The following GOLM2 variants were observed in gnomAD, a reference collection of about 807,000 sequenced individuals.
GOLM2 encodes golgi membrane protein 2, also known as protein GOLM2.
In GOLM2, 26 loss-of-function variants were observed where a neutral mutation model predicts 55.9. That is an observed-to-expected ratio of 0.47 (90% confidence interval 0.34 to 0.65). The LOEUF (loss-of-function observed/expected upper bound fraction) is 0.65, where lower values mean the gene tolerates loss of function less well. Among genes scored for constraint, GOLM2 ranks in the 30% least tolerant of loss-of-function variants. GOLM2 has a pLI of 0.01. For missense variants in GOLM2, 486 were observed against 531.8 expected (o/e 0.91, Z 0.85); for synonymous variants, 165 against 194.6 (o/e 0.85, Z 1.27).
chr15:44,354,125 G>A (rs2079182057), intron 6 of GOLM2, among the ~76,000 whole-genome samples: 1 of 152,036 alleles, frequency 6.6e-6, no homozygotes, highest in Non-Finnish European at 1.5e-5. Context: ...TAGGTAATTA[G>A]TATTAATCCA....
intron 6 of GOLM2, among the ~76,000 whole-genome samples, chr15:44,350,211 G>A (rs2079152427): frequency 6.6e-6 from 1 of 151,934 alleles, no homozygotes; most frequent in African/African-American, 2.4e-5. Flanking sequence ...TTGGTGTTTT[G>A]AAAACATAAA....
intron 6 of GOLM2, among the ~76,000 whole-genome samples, chr15:44,358,851 C>T (rs2079215242): frequency 6.6e-6 from 1 of 152,126 alleles, no homozygotes; most frequent in African/African-American, 2.4e-5. Flanking sequence ...ATGAGCTGGA[C>T]TTCATTAAGA....
chr15:44,292,959 T>C (rs1446103949), intron 1 of GOLM2, among the ~76,000 whole-genome samples: 1 of 152,056 alleles, frequency 6.6e-6, no homozygotes, highest in African/African-American at 2.4e-5. Flanking sequence ...GGACTATAGG[T>C]GCATGCCACC....
intron 8 of GOLM2, among the ~76,000 whole-genome samples, chr15:44,394,989 A>C (rs1422859201): frequency 2.0e-5 from 3 of 152,078 alleles, no homozygotes; most frequent in Non-Finnish European, 4.4e-5. Flanking sequence ...GTAATATATT[A>C]CATTAATGAC....
intron 2 of GOLM2, among the ~76,000 whole-genome samples, chr15:44,326,556 T>C (rs2078982107): frequency 6.6e-6 from 1 of 151,806 alleles, no homozygotes; most frequent in Non-Finnish European, 1.5e-5. Flanking sequence ...CACTTTGATA[T>C]ATTTTTATTC....
At chr15:44,410,833 G>T (rs1256842886) in intron 9 of GOLM2, among the ~76,000 whole-genome samples, 1 of 146,748 alleles carries the variant, frequency 6.8e-6, no homozygotes, top group Non-Finnish European at 1.5e-5. Flanking sequence ...GCCCTGGGAA[G>T]TTGAGGCTGC....
chr15:44,319,556 G>A (rs2078935044), intron 1 of GOLM2, among the ~76,000 whole-genome samples: 3 of 151,880 alleles, frequency 2.0e-5, no homozygotes, highest in Non-Finnish European at 4.4e-5. Flanking sequence ...AGTAATGTGT[G>A]AGTGGGGTTT....
At chr15:44,302,573 C>T (rs1567020385) in intron 1 of GOLM2, among the ~76,000 whole-genome samples, 1 of 151,984 alleles carries the variant, frequency 6.6e-6, no homozygotes, top group Non-Finnish European at 1.5e-5. Context: ...TCACTGCAAC[C>T]TCCACCTCCT....
At position 44,337,785 on chromosome 15, in the gene GOLM2, C is replaced by A; in HGVS notation, c.599C>A (p.Ser200Ter). The change falls in exon 5 of 10, where the codon TCA becomes TAA. Residue 200 changes from serine to a stop codon, truncating the protein, a stop_gained. Coordinates refer to ENST00000299957, the MANE Select transcript of GOLM2 (RefSeq NM_138423.4). LOFTEE classifies it high-confidence loss of function. ...EQKQETQKIQ[S>*]NDGKELDINN... is the part of the protein sequence containing the mutation. ...CAGCAAGAGACCCAAAAGATTCAAT[C>A]AAATGATGGAAAGGAATTGGATATA... The A allele has an allele frequency of 6.3e-7, 1 of 1,580,666 alleles. No individual in the cohort carries two copies. The highest frequency in any genetic ancestry group is 1.2e-5 in the South Asian group (1 of 84,166).
intron 8 of GOLM2, among the ~76,000 whole-genome samples, chr15:44,381,442 C>T (rs1014448026): frequency 6.6e-5 from 10 of 152,076 alleles, no homozygotes; most frequent in Admixed American, 3.9e-4. Context: ...TTGCATTTTC[C>T]TCATTTAGAT....
chr15:44,363,157 C>A (rs1471234633), intron 6 of GOLM2, among the ~76,000 whole-genome samples: 1 of 152,118 alleles, frequency 6.6e-6, no homozygotes, highest in Non-Finnish European at 1.5e-5. Context: ...TCTAAAACAC[C>A]AAAAGCAATG....
chr15:44,304,531 C>CG (rs2078822814), intron 1 of GOLM2, among the ~76,000 whole-genome samples: 1 of 152,074 alleles, frequency 6.6e-6, no homozygotes, highest in African/African-American at 2.4e-5. Flanking sequence ...CATAAGCCAT[C>CG]GCTCCCAGCC....
intron 1 of GOLM2, among the ~76,000 whole-genome samples, chr15:44,315,315 AAT>A (rs1176564212): frequency 6.6e-6 from 1 of 152,206 alleles, no homozygotes; most frequent in African/African-American, 2.4e-5. Context: ...TAACCTTTGG[AAT>A]AAATGGTCAT....
intron 6 of GOLM2, among the ~76,000 whole-genome samples, chr15:44,352,906 CAA>C (rs1243759883): frequency 1.2e-4 from 12 of 102,548 alleles, no homozygotes; most frequent in Admixed American, 1.1e-4. Context: ...AACTCCATCT[CAA>C]AAAAAAAAAA....
intron 1 of GOLM2, among the ~76,000 whole-genome samples, chr15:44,320,511 G>A (rs1420093132): frequency 1.3e-5 from 2 of 151,846 alleles, no homozygotes; most frequent in Non-Finnish European, 2.9e-5. Flanking sequence ...CACTGTGTTG[G>A]CCAGGCTGGT....
intron 6 of GOLM2, among the ~76,000 whole-genome samples, chr15:44,370,633 T>G (rs544675097): frequency 3.9e-5 from 6 of 152,242 alleles, no homozygotes; most frequent in Admixed American, 3.9e-4. Flanking sequence ...TGGTTGGTGC[T>G]CCATGACCTC....
intron 1 of GOLM2, among the ~76,000 whole-genome samples, chr15:44,296,565 A>G (rs2078758202): frequency 2.6e-5 from 4 of 152,212 alleles, no homozygotes; most frequent in African/African-American, 9.7e-5. Flanking sequence ...AGTCTCTCTT[A>G]TTCTTGAGAG....
At chr15:44,339,948 T>C (rs560072783) in intron 6 of GOLM2, among the ~76,000 whole-genome samples, 1 of 151,672 alleles carries the variant, frequency 6.6e-6, no homozygotes, top group South Asian at 2.1e-4. Flanking sequence ...GCCTCCTGAG[T>C]AGCAGGAACT....
intron 1 of GOLM2, among the ~76,000 whole-genome samples, chr15:44,316,393 T>C (rs564137050): frequency 6.6e-6 from 1 of 152,068 alleles, no homozygotes; most frequent in Non-Finnish European, 1.5e-5. Context: ...TAAGCTTTCT[T>C]TTGAAGGTGA....
Sources: gnomAD v4.1 joint callset for allele counts (sites outside exome capture counted in the v4.1 genomes callset) on GRCh38, gnomAD v4.1.1 for gene constraint, MANE v1.5 for transcripts, NCBI Gene and HGNC (gene_info 2026-07-23, HGNC 2026-07-21) for gene names.